The following KPNA7 variants were observed in gnomAD, a reference collection of about 807,000 sequenced individuals.
The protein encoded by KPNA7 is karyopherin subunit alpha 7.
KPNA7 carries 54 observed loss-of-function variants against 53.7 expected under a neutral mutation model. The observed-to-expected ratio is 1.01, with a 90% CI of 0.81 to 1.26. KPNA7 has a LOEUF of 1.26. KPNA7 is among the 50% of genes most tolerant of loss of function. KPNA7 has a pLI of 0.00. For synonymous variants in KPNA7, 276 were observed against 259.3 expected (o/e 1.06, Z -0.62); for missense variants, 640 against 644.5 (o/e 0.99, Z 0.07).
chr7:99,188,989 A>G (rs1418370327), intron 6 of KPNA7, among the ~76,000 whole-genome samples: 3 of 152,040 alleles, frequency 2.0e-5, no homozygotes, highest in Non-Finnish European at 4.4e-5. Context: ...ACTGAACGAG[A>G]GCTTTTGAAC....
intron 1 of KPNA7, among the ~76,000 whole-genome samples, chr7:99,214,259 C>T (rs1015480335): frequency 2.1e-4 from 31 of 149,092 alleles, no homozygotes; most frequent in African/African-American, 7.2e-4. Flanking sequence ...GGCAAAACCC[C>T]GTCTCTACTA....
chr7:99,159,265 T>A, the KPNA7 span, among the ~76,000 whole-genome samples: 46 of 146,614 alleles, frequency 3.1e-4, no homozygotes, highest in Non-Finnish European at 6.1e-4. Flanking sequence ...GAAGGATTCC[T>A]TGAGCCCCAG....
Position 99,178,021 on chromosome 7 carries a change from C to T in KPNA7, c.1363G>A (p.Glu455Lys). Residue 455 changes from glutamate (E) to lysine (K), a missense_variant, in exon 10 of 11, where the codon GAA (glutamate) becomes AAA (lysine). Physicochemically the swap from Glu to Lys is moderately conservative, Grantham distance 56. Transcript: ENST00000327442. ...SEKENLCLLIEELGGIDRIEA... is the reference protein window; with the variant it reads ...SEKENLCLLIKELGGIDRIEA... Reference sequence around the variant, plus strand: ...ATTCTATCGATCCCACCAAGTTCTTCTATCAGAAGACACAGGTTTTCCTTC... The same window carrying T: ...ATTCTATCGATCCCACCAAGTTCTTTTATCAGAAGACACAGGTTTTCCTTC... The T allele has an allele frequency of 6.4e-7, 1 of 1,551,738 alleles. No homozygotes were observed. The highest frequency in any genetic ancestry group is 1.2e-5 in the South Asian group (1 of 84,058).
chr7:99,202,986 C>T, intron 3 of KPNA7, 120 bp downstream of exon 3: 2 of 1,251,974 alleles, frequency 1.6e-6, no homozygotes, highest in South Asian at 1.6e-5. Flanking sequence ...CTCTTCACTC[C>T]TTTCTTTAAA....
the KPNA7 span, among the ~76,000 whole-genome samples, chr7:99,163,139 T>C: frequency 0.012 from 1,777 of 151,330 alleles, 33 homozygotes; most frequent in African/African-American, 0.042. Context: ...CGAGACTGCG[T>C]GACTGCACTC....
the KPNA7 span, among the ~76,000 whole-genome samples, chr7:99,159,601 C>G: frequency 6.6e-6 from 1 of 152,112 alleles, no homozygotes; most frequent in African/African-American, 2.4e-5. Context: ...TCCCTCTTCC[C>G]GTATTACTTT....
chr7:99,201,422 G>A (rs147867815), intron 3 of KPNA7, among the ~76,000 whole-genome samples: 7 of 152,108 alleles, frequency 4.6e-5, no homozygotes, highest in South Asian at 2.1e-4. Flanking sequence ...CCAGCACTTC[G>A]GGAGGCTGAG....
chr7:99,163,383 A>ATTTTTTTTTTTT, the KPNA7 span, among the ~76,000 whole-genome samples: 5 of 40,804 alleles, frequency 1.2e-4, no homozygotes, highest in African/African-American at 1.9e-4. Context: ...ATATATATAT[A>ATTTTTTTTTTTT]TTTTTTTTTT....
the KPNA7 span, among the ~76,000 whole-genome samples, chr7:99,163,359 G>GTGTGTATATATATATA: frequency 1.5e-5 from 1 of 66,414 alleles, no homozygotes; most frequent in African/African-American, 5.9e-5. Context: ...ATGAGTGTGT[G>GTGTGTATATATATATA]TATATATATA....
rs971860701 is a variant in KPNA7, at chr7:99,177,960, C to A, written c.1424G>T (p.Gly475Val). The A allele has an allele frequency of 2.6e-6, 4 of 1,551,932 alleles. No individual in the cohort carries two copies. In the African/African-American group the frequency reaches 4.1e-5, roughly 16 times the overall value. ...CTCGATGATGTTCAAAGCCGACTGGCCAATTTGACGGTTCTCATGCAGCTG... is the reference window on the plus strand; with the variant it reads ...CTCGATGATGTTCAAAGCCGACTGGACAATTTGACGGTTCTCATGCAGCTG... ...ALQLHENRQI[G>V]QSALNIIEKH... The change falls in exon 10 of 11, where the codon GGC becomes GTC. Residue 475 changes from glycine (G) to valine (V), a missense_variant. Physicochemically the swap from Gly to Val is moderately radical, Grantham distance 109. Transcript: ENST00000327442.
chr7:99,167,549 T>C, the KPNA7 span, among the ~76,000 whole-genome samples: 1 of 147,804 alleles, frequency 6.8e-6, no homozygotes, highest in Non-Finnish European at 1.5e-5. Context: ...ACCTCCCGGG[T>C]TCAAGCAATT....
chr7:99,188,431 C>G lies in KPNA7; in HGVS notation c.769G>C (p.Val257Leu), dbSNP rs752758269. The change falls in exon 7 of 11, where the codon GTT becomes CTT. Residue 257 changes from valine (V) to leucine (L), a missense_variant. By Grantham distance (32) the Val-to-Leu change is conservative (BLOSUM62 1). Transcript: ENST00000327442. ...LHLLQHQDSE[V>L]LSDACWALSY... The stretch of plus-strand genomic sequence containing the variant: ...AGTGCCCAGCAGGCATCCGAGAGAA[C>G]CTCACTGTCCTGGTGCTGCAGGAGG... 1 of 1,551,546 alleles carries G rather than the reference C, an allele frequency of 6.4e-7. No individual in the cohort carries two copies. Among genetic ancestry groups the G allele is most frequent in the Non-Finnish European group, 8.7e-7 (1 of 1,146,998 alleles).
chr7:99,153,512 T>G, the KPNA7 span, among the ~76,000 whole-genome samples: 4 of 149,896 alleles, frequency 2.7e-5, no homozygotes. Flanking sequence ...ATTGTACCAT[T>G]GCACTCCAGC....
At chr7:99,191,844 T>G (rs1433096019) in intron 6 of KPNA7, among the ~76,000 whole-genome samples, 1 of 152,150 alleles carries the variant, frequency 6.6e-6, no homozygotes, top group Non-Finnish European at 1.5e-5. Context: ...GAGATAGGAT[T>G]TCGCCATATT....
upstream of KPNA7, among the ~76,000 whole-genome samples, chr7:99,210,864 G>A (rs753766757): frequency 6.6e-6 from 1 of 151,888 alleles, no homozygotes; most frequent in Non-Finnish European, 1.5e-5. Flanking sequence ...GGGATTAGAG[G>A]CATGAGCCAC....
chr7:99,190,766 C>G (rs7805070), intron 6 of KPNA7, among the ~76,000 whole-genome samples: 12,823 of 151,740 alleles, frequency 0.085, 571 homozygotes, highest in South Asian at 0.15. Flanking sequence ...TCTCGCCTTG[C>G]CTTCCCAAGT....
At chr7:99,172,636 A>G (rs1798789748), downstream of KPNA7, among the ~76,000 whole-genome samples, 1 of 152,198 alleles carries the variant, frequency 6.6e-6, no homozygotes, top group Non-Finnish European at 1.5e-5. Context: ...TAGGAAGAAT[A>G]AGAGAGATTG....
the KPNA7 span, among the ~76,000 whole-genome samples, chr7:99,156,147 C>T: frequency 4.5e-4 from 68 of 152,100 alleles, no homozygotes; most frequent in Admixed American, 1.4e-3. Context: ...AATTTACTTC[C>T]TTTCTTGATG....
chr7:99,175,725 G>A (rs1798876918), intron 10 of KPNA7, among the ~76,000 whole-genome samples: 1 of 151,650 alleles, frequency 6.6e-6, no homozygotes, highest in Admixed American at 6.6e-5. Flanking sequence ...TGTTGGCCAG[G>A]CTGGTCTTGA....
Sources: gnomAD v4.1 joint callset for allele counts (sites outside exome capture counted in the v4.1 genomes callset) on GRCh38, gnomAD v4.1.1 for gene constraint, MANE v1.5 for transcripts, NCBI Gene and HGNC (gene_info 2026-07-23, HGNC 2026-07-21) for gene names.